Variants in RYR2 observed in about 807,000 individuals in gnomAD.
The protein encoded by RYR2 is ryanodine receptor 2.
In RYR2, 227 loss-of-function variants were observed where a neutral mutation model predicts 601.1. That is an observed-to-expected ratio of 0.38 (90% CI 0.34 to 0.42). RYR2 has a LOEUF of 0.42. Among genes scored for constraint, RYR2 ranks in the 10% least tolerant of loss-of-function variants. The pLI is 1.00. For synonymous variants in RYR2, 2,223 were observed against 2,175.1 expected (o/e 1.02, Z -0.61); for missense variants, 4,646 against 6,156.5 (o/e 0.75, Z 8.21).
chr1:237,818,535 A>C (rs1032858716), intron 100 of RYR2, among the ~76,000 whole-genome samples: 1 of 152,126 alleles, frequency 6.6e-6, no homozygotes, highest in African/African-American at 2.4e-5. Context: ...TCTAGATATT[A>C]AAGTAGAAAA....
chr1:237,585,548 G>A (rs1473288695), intron 29 of RYR2, among the ~76,000 whole-genome samples: 1 of 152,236 alleles, frequency 6.6e-6, no homozygotes, highest in Middle Eastern at 3.4e-3. Context: ...TCTCCACTCT[G>A]TCTTCTTTGA....
intron 34 of RYR2, among the ~76,000 whole-genome samples, chr1:237,599,191 C>G (rs1310656022): frequency 6.6e-6 from 1 of 151,784 alleles, no homozygotes; most frequent in Non-Finnish European, 1.5e-5. Flanking sequence ...AAGTTGAAAG[C>G]TTTTTTTTCT....
At chr1:237,306,717 A>G (rs12127036) in intron 2 of RYR2, among the ~76,000 whole-genome samples, 69,270 of 152,040 alleles carry the variant, frequency 0.46, 18,427 homozygotes, top group East Asian at 0.59. Context: ...TTTGTTAAGG[A>G]TGTAACCAAA....
At chr1:237,594,838 C>G (rs867061611) in intron 33 of RYR2, among the ~76,000 whole-genome samples, 10 of 135,260 alleles carry the variant, frequency 7.4e-5, no homozygotes, top group Admixed American at 1.5e-4. Flanking sequence ...CTAGTAAAAG[C>G]TTTAGGGAAG....
intron 83 of RYR2, among the ~76,000 whole-genome samples, chr1:237,760,361 T>TAAAAAA (rs34435442): frequency 3.0e-5 from 3 of 100,104 alleles, no homozygotes; most frequent in African/African-American, 3.8e-5. Flanking sequence ...GTCGCTAATT[T>TAAAAAA]AAAAAAAAAA....
chr1:237,319,003 G>A (rs1206912742), intron 2 of RYR2, among the ~76,000 whole-genome samples: 1 of 151,654 alleles, frequency 6.6e-6, no homozygotes, highest in Non-Finnish European at 1.5e-5. Context: ...GCATTTTTTT[G>A]TCAATGATTT....
chr1:237,472,076 A>T (rs1181994497), intron 17 of RYR2, among the ~76,000 whole-genome samples: 1 of 152,166 alleles, frequency 6.6e-6, no homozygotes, highest in Non-Finnish European at 1.5e-5. Flanking sequence ...AATTTTTTCT[A>T]CTGTAGTTAA....
intron 74 of RYR2, among the ~76,000 whole-genome samples, chr1:237,723,817 T>G (rs558972992): frequency 6.6e-6 from 1 of 152,254 alleles, no homozygotes; most frequent in Admixed American, 6.5e-5. Flanking sequence ...TTTTATATAT[T>G]TTTTCAGTTG....
intron 47 of RYR2, among the ~76,000 whole-genome samples, chr1:237,643,071 T>G (rs539692674): frequency 1.8e-4 from 27 of 152,232 alleles, no homozygotes; most frequent in Non-Finnish European, 3.2e-4. Flanking sequence ...ATAAAAACTA[T>G]TATTCTAATG....
intron 72 of RYR2, among the ~76,000 whole-genome samples, chr1:237,718,175 AGCCCAAGAAAACATGCTAT>A (rs1689416208): frequency 6.6e-6 from 1 of 152,192 alleles, no homozygotes; most frequent in Non-Finnish European, 1.5e-5. Context: ...CTTCTATTTC[AGCCCAAGAAAACATGCTAT>A]GCCCCCTTCT....
chr1:237,063,705 C>G (rs1663177254), intron 1 of RYR2, among the ~76,000 whole-genome samples: 1 of 152,124 alleles, frequency 6.6e-6, no homozygotes, highest in African/African-American at 2.4e-5. Flanking sequence ...TAGTGCCTTT[C>G]CGTTGTCCTG....
At chr1:237,787,834 A>G in intron 91 of RYR2, 154 bp from the exon 92 acceptor site, 1 of 718,802 alleles carries the variant, frequency 1.4e-6, no homozygotes, top group Non-Finnish European at 2.3e-6. Context: ...CCCTGATTCT[A>G]AAATTCAGAA....
At chr1:237,142,159 T>C (rs1053954764) in intron 1 of RYR2, among the ~76,000 whole-genome samples, 2 of 152,158 alleles carry the variant, frequency 1.3e-5, no homozygotes, top group African/African-American at 4.8e-5. Context: ...TTCTTGGGCA[T>C]GTAGGGTGGC....
At chr1:237,328,270 C>G (rs1004550441) in intron 2 of RYR2, among the ~76,000 whole-genome samples, 1 of 152,036 alleles carries the variant, frequency 6.6e-6, no homozygotes, top group Non-Finnish European at 1.5e-5. Context: ...CTTACATTAA[C>G]AGTTTTTTTT....
Position 237,262,931 on chromosome 1 carries a change from A to C in RYR2, c.49-7566A>C, listed in dbSNP as rs183539559. On this transcript the variant is annotated intron_variant, in intron 1 of 104. Transcript: ENST00000366574. ...TTTTTTTTAATGACTAGAGTTATTAAGACTATTTATTGAGTTTTCAAGAGT... is the reference window on the plus strand; with the variant it reads ...TTTTTTTTAATGACTAGAGTTATTACGACTATTTATTGAGTTTTCAAGAGT... Among the ~76,000 whole-genome samples, 7 of 152,260 alleles carry C rather than the reference A, an allele frequency of 4.6e-5. No homozygotes were observed. In the East Asian group the frequency reaches 1.4e-3, roughly 29 times the overall value.
intron 1 of RYR2, among the ~76,000 whole-genome samples, chr1:237,126,729 T>C (rs933680489): frequency 6.6e-6 from 1 of 152,188 alleles, no homozygotes; most frequent in African/African-American, 2.4e-5. Context: ...TCTGAACATG[T>C]ACCTGTGTAA....
chr1:237,217,018 C>T (rs190828552), intron 1 of RYR2, among the ~76,000 whole-genome samples: 16 of 152,222 alleles, frequency 1.1e-4, no homozygotes, highest in South Asian at 2.1e-4. Flanking sequence ...TATTTAGTCC[C>T]GAATAAGAAG....
intron 2 of RYR2, among the ~76,000 whole-genome samples, chr1:237,297,926 ATT>A (rs71661539): frequency 5.2e-5 from 7 of 133,356 alleles, no homozygotes; most frequent in Non-Finnish European, 7.9e-5. Flanking sequence ...AATTTTTTGT[ATT>A]TTTTTTTTTT....
intron 1 of RYR2, among the ~76,000 whole-genome samples, chr1:237,214,924 G>A (rs906507417): frequency 6.6e-6 from 1 of 152,158 alleles, no homozygotes; most frequent in South Asian, 2.1e-4. Context: ...ATATATCTAG[G>A]AGTTTGAAAT....
Sources: allele counts gnomAD v4.1 joint callset (sites outside exome capture counted in the v4.1 genomes callset), GRCh38; gene constraint gnomAD v4.1.1; transcripts MANE v1.5; gene names NCBI Gene and HGNC (gene_info 2026-07-23, HGNC 2026-07-21).